ANKRD30BL: variants seen among roughly 807,000 people sequenced by gnomAD.
ANKRD30BL encodes ankyrin repeat domain 30B like.
In ANKRD30BL, 20 loss-of-function variants were observed where a neutral mutation model predicts 18.4. That is an observed-to-expected ratio of 1.09 (90% CI 0.77 to 1.58). The LOEUF (loss-of-function observed/expected upper bound fraction) is 1.58, where lower values mean the gene tolerates loss of function less well. Ranked by LOEUF, ANKRD30BL falls within the 40% of genes most tolerant of loss-of-function variation. ANKRD30BL has a pLI of 0.00. For synonymous variants in ANKRD30BL, 72 were observed against 100.9 expected (o/e 0.71, Z 1.72); for missense variants, 224 against 268.6 (o/e 0.83, Z 1.16).
chr2:132,203,579 T>C (rs1679152452), intron 1 of ANKRD30BL, among the ~76,000 whole-genome samples: 2 of 152,180 alleles, frequency 1.3e-5, no homozygotes, highest in Non-Finnish European at 1.5e-5. Context: ...ATTGCTTTCA[T>C]ATTAATTTTT....
chr2:132,240,930 GA>G (rs1237786838), intron 1 of ANKRD30BL, among the ~76,000 whole-genome samples: 1 of 151,762 alleles, frequency 6.6e-6, no homozygotes, highest in African/African-American at 2.4e-5. Flanking sequence ...CAGCACTTTT[GA>G]AACACTCTTT....
intron 1 of ANKRD30BL, among the ~76,000 whole-genome samples, chr2:132,221,927 GC>G (rs1329715444): frequency 8.0e-6 from 1 of 124,494 alleles, no homozygotes; most frequent in Non-Finnish European, 1.6e-5. Context: ...GGGGGGATCA[GC>G]CCCCCGCCTG....
intron 1 of ANKRD30BL, among the ~76,000 whole-genome samples, chr2:132,157,990 C>G (rs1194254371): frequency 6.6e-6 from 1 of 151,604 alleles, no homozygotes; most frequent in Non-Finnish European, 1.5e-5. Flanking sequence ...ATTTTAACAT[C>G]TCTGACATTG....
rs534194702 is a variant in ANKRD30BL at position 132,225,141 on chromosome 2, C to T, written n.441+32388G>A. On this transcript the variant is annotated intron_variant and non_coding_transcript_variant, in intron 1 of 4. Transcript: ENST00000470729. ...ACCGCTTTGAGGCCTTCGTTGGAAA[C>T]GGGAATATCTTCACATAATCACTAG... is the stretch of plus-strand genomic sequence containing the variant. Among the ~76,000 whole-genome samples the T allele has an allele frequency of 2.3e-3, 349 of 150,266 alleles. 1 individual carries two copies. The highest frequency in any genetic ancestry group is 7.5e-3 in the African/African-American group (307 of 41,008).
chr2:132,160,173 C>A (rs1688015269), intron 1 of ANKRD30BL, among the ~76,000 whole-genome samples: 1 of 152,206 alleles, frequency 6.6e-6, no homozygotes, highest in African/African-American at 2.4e-5. Context: ...GGGATCTCAG[C>A]TCACTGCAAC....
intron 1 of ANKRD30BL, among the ~76,000 whole-genome samples, chr2:132,187,629 A>T (rs911818643): frequency 1.3e-4 from 20 of 152,046 alleles, no homozygotes; most frequent in African/African-American, 4.8e-4. Context: ...AATTATTAAT[A>T]ATGTTATTTC....
intron 1 of ANKRD30BL, among the ~76,000 whole-genome samples, chr2:132,216,468 A>G (rs113253445): frequency 1.3e-5 from 2 of 152,114 alleles, no homozygotes; most frequent in Non-Finnish European, 2.9e-5. Context: ...CTCTTTTTGT[A>G]GAATCTGCAA....
intron 1 of ANKRD30BL, among the ~76,000 whole-genome samples, chr2:132,254,111 T>G (rs1019702689): frequency 6.8e-5 from 10 of 146,340 alleles, no homozygotes; most frequent in Non-Finnish European, 1.1e-4. Flanking sequence ...TGCTCCCCAC[T>G]GCTCACCAGG....
At chr2:132,151,615 C>CA (rs60357550) in intron 4 of ANKRD30BL, among the ~76,000 whole-genome samples, 59,596 of 143,526 alleles carry the variant, frequency 0.42, 12,330 homozygotes, top group Middle Eastern at 0.47. Context: ...AATTAAATTA[C>CA]AAAAAAAAAA....
intron 1 of ANKRD30BL, among the ~76,000 whole-genome samples, chr2:132,179,515 CTG>C (rs1335485166): frequency 1.3e-5 from 2 of 152,104 alleles, no homozygotes; most frequent in Non-Finnish European, 2.9e-5. Context: ...TCTTGAACTG[CTG>C]CCCTCAAGTG....
At chr2:132,221,489 T>C (rs1573859110) in intron 1 of ANKRD30BL, among the ~76,000 whole-genome samples, 1 of 113,828 alleles carries the variant, frequency 8.8e-6, no homozygotes, top group Non-Finnish European at 1.7e-5. Flanking sequence ...TGGCCGCCCC[T>C]ACTGGGAAGT....
intron 1 of ANKRD30BL, among the ~76,000 whole-genome samples, chr2:132,194,349 T>A (rs1558927011): frequency 6.6e-6 from 1 of 152,134 alleles, no homozygotes; most frequent in African/African-American, 2.4e-5. Flanking sequence ...CCAAGGAAAT[T>A]TGAAATGCAG....
At chr2:132,164,853 C>T (rs974741211), upstream of ANKRD30BL, among the ~76,000 whole-genome samples, 93 of 152,180 alleles carry the variant, frequency 6.1e-4, no homozygotes, top group African/African-American at 2.2e-3. Flanking sequence ...GGGCAGATCA[C>T]GAGGTCAGAA....
chr2:132,203,212 C>A (rs1013757825), intron 1 of ANKRD30BL, among the ~76,000 whole-genome samples: 2,092 of 134,662 alleles, frequency 0.016, no homozygotes, highest in African/African-American at 0.058. Flanking sequence ...CCCACAAACA[C>A]ACAAGTTCAA....
chr2:132,160,010 A>C (rs1688012305), intron 1 of ANKRD30BL, among the ~76,000 whole-genome samples: 1 of 152,214 alleles, frequency 6.6e-6, no homozygotes, highest in Admixed American at 6.5e-5. Context: ...GAGCATTATC[A>C]AGTTCTAAAT....
intron 1 of ANKRD30BL, among the ~76,000 whole-genome samples, chr2:132,200,243 A>T (rs1401504279): frequency 5.9e-5 from 9 of 151,752 alleles, no homozygotes; most frequent in South Asian, 4.2e-4. Flanking sequence ...CAAGACAGGG[A>T]TGCCCTCTCT....
intron 1 of ANKRD30BL, among the ~76,000 whole-genome samples, chr2:132,252,540 G>A (rs1199801236): frequency 2.0e-5 from 3 of 151,754 alleles, no homozygotes; most frequent in Non-Finnish European, 4.4e-5. Flanking sequence ...GGCGGGTGGG[G>A]GGCAGGCAGG....
chr2:132,203,088 G>A (rs184906378), intron 1 of ANKRD30BL, among the ~76,000 whole-genome samples: 2,499 of 152,166 alleles, frequency 0.016, no homozygotes, highest in African/African-American at 0.056. Flanking sequence ...TTCTATTTTC[G>A]GTCAACCACA....
In ANKRD30BL at chr2:132,235,460, T is replaced by C. The variant is rs189119899; in HGVS notation, n.441+22069A>G. On this transcript the variant is annotated intron_variant and non_coding_transcript_variant, in intron 1 of 4. Transcript: ENST00000470729. ...AACCCCATTGTCTCAGCCCAAAATC[T>C]CCTTCAGCTGATAAGCAATTTCAGC... Among the ~76,000 whole-genome samples the C allele has an allele frequency of 5.8e-3, 882 of 152,236 alleles. 4 individuals carry two copies. Among genetic ancestry groups the C allele is most frequent in the Middle Eastern group, 0.01 (3 of 294 alleles).
Sources: allele counts gnomAD v4.1 joint callset (sites outside exome capture counted in the v4.1 genomes callset), GRCh38; gene constraint gnomAD v4.1.1; transcripts MANE v1.5; gene names NCBI Gene and HGNC (gene_info 2026-07-23, HGNC 2026-07-21).